CEP57L1: variants seen among roughly 807,000 people sequenced by gnomAD.
The protein encoded by CEP57L1 is centrosomal protein 57 like 1, also known as centrosomal protein CEP57L1.
A neutral mutation model predicts 61.0 loss-of-function variants in CEP57L1; 37 were observed. That is an observed-to-expected ratio of 0.61 (90% CI 0.47 to 0.80). The LOEUF (loss-of-function observed/expected upper bound fraction) is 0.80, where lower values mean the gene tolerates loss of function less well. CEP57L1 is among the 30% of genes least tolerant of loss of function. The pLI is 0.00. For synonymous variants in CEP57L1, 137 were observed against 162.3 expected, an observed-to-expected ratio of 0.84 and a Z score of 1.19; for missense variants, 422 against 524.7, an observed-to-expected ratio of 0.80 and a Z score of 1.91.
In CEP57L1 at chr6:109,146,948, CAGT is replaced by C; in HGVS notation, c.340+15_340+17del. On this transcript the variant is annotated intron_variant, in intron 3 of 10. Coordinates refer to ENST00000517392, the MANE Select transcript of CEP57L1 (RefSeq NM_001271852.3). The stretch of plus-strand genomic sequence containing the variant: ...TAAAGCAGAAAAAAGGTAAGAAATG[CAGT>C]AGTTCTCAGAAACCGGGGGTTACTG... 2 of 1,592,470 alleles carry C rather than the reference CAGT, an allele frequency of 1.3e-6. No individual in the cohort carries two copies. Among genetic ancestry groups the C allele is most frequent in the South Asian group, 2.3e-5 (2 of 86,936 alleles).
intron 1 of CEP57L1, chr6:109,130,641 C>A (rs1583500401): frequency 2.1e-5 from 3 of 144,440 alleles, no homozygotes; most frequent in African/African-American, 5.2e-5. Flanking sequence ...TTAAAGAAAA[C>A]AACCCCCTCT....
chr6:109,153,996 T>C, intron 5 of CEP57L1, 47 bp downstream of exon 5: 1 of 964,608 alleles, frequency 1.0e-6, no homozygotes, highest in Non-Finnish European at 1.6e-6. Context: ...TCTTTAGTGT[T>C]AAGCATAATT....
chr6:109,123,458 GCC>G (rs1427599696), intron 1 of CEP57L1, among the ~76,000 whole-genome samples: 10 of 152,242 alleles, frequency 6.6e-5, no homozygotes, highest in African/African-American at 2.2e-4. Context: ...TCATAGTGTT[GCC>G]TTCATGATTC....
intron 1 of CEP57L1, 27 bp downstream of exon 1, chr6:109,095,602 C>T (rs1781593856): frequency 8.1e-6 from 8 of 983,802 alleles, no homozygotes; most frequent in Non-Finnish European, 8.5e-6. Context: ...GGGTTGTCAC[C>T]TTTCCTTGAC....
chr6:109,151,412 G>T lies in CEP57L1; in HGVS notation c.462+1173G>T, dbSNP rs138623624. 1.4e-3 allele frequency among the ~76,000 whole-genome samples: 220 copies of T among 152,246 alleles called. 4 individuals carry two copies. The East Asian group carries it at 0.039, about 27-fold the overall frequency. On this transcript the variant is annotated intron_variant, in intron 4 of 10. Transcript: ENST00000517392. ...GTGTATTCTTAACTAACCACAGTCTGCCATAAATCTGTATTAAAATATTTC... is the reference window on the plus strand; with the variant it reads ...GTGTATTCTTAACTAACCACAGTCTTCCATAAATCTGTATTAAAATATTTC...
At chr6:109,122,889 A>T (rs1016062575) in intron 1 of CEP57L1, among the ~76,000 whole-genome samples, 16 of 152,182 alleles carry the variant, frequency 1.1e-4, no homozygotes, top group African/African-American at 3.9e-4. Flanking sequence ...CTTATTGTAG[A>T]CACACTTCTA....
chr6:109,137,790 C>T (rs1770910982), intron 1 of CEP57L1, among the ~76,000 whole-genome samples: 1 of 152,156 alleles, frequency 6.6e-6, no homozygotes, highest in African/African-American at 2.4e-5. Flanking sequence ...ATGGATCTTA[C>T]ATTCTAGTTA....
intron 1 of CEP57L1, among the ~76,000 whole-genome samples, chr6:109,097,531 C>G (rs756569283): frequency 6.6e-6 from 1 of 152,162 alleles, no homozygotes; most frequent in African/African-American, 2.4e-5. Context: ...TTCCATTTCA[C>G]CCACGCGTTT....
chr6:109,145,647 C>G (rs1771884745), intron 2 of CEP57L1, among the ~76,000 whole-genome samples: 1 of 151,800 alleles, frequency 6.6e-6, no homozygotes, highest in Admixed American at 6.6e-5. Context: ...GGAAAATACT[C>G]TTTGAAGAAT....
At chr6:109,126,319 T>G (rs2114730214) in intron 1 of CEP57L1, among the ~76,000 whole-genome samples, 1 of 152,350 alleles carries the variant, frequency 6.6e-6, no homozygotes, top group South Asian at 2.1e-4. Flanking sequence ...AGCTGCTTTC[T>G]ACCTCTTTGG....
rs75804779 is a variant in CEP57L1, at chr6:109,165,414, CAA to C, written c.*2459_*2460del. Among the ~76,000 whole-genome samples the C allele has an allele frequency of 0.011, 1,178 of 108,562 alleles. 16 individuals carry two copies. The highest frequency in any genetic ancestry group is 0.037 in the African/African-American group (1,068 of 29,240). 71.2% of individuals were successfully genotyped at this position (108,562 alleles called of 152,430 possible). ...ATAAATATTTTTTGAATCTGAGTGG[CAA>C]AAAAAAAAAAAAAATGTAGAACACA... is the stretch of plus-strand genomic sequence containing the variant. On this transcript the variant is annotated 3_prime_UTR_variant, in exon 11 of 11. Transcript: ENST00000517392.
At chr6:109,129,668 C>G (rs1206116386) in intron 1 of CEP57L1, among the ~76,000 whole-genome samples, 9 of 152,194 alleles carry the variant, frequency 5.9e-5, no homozygotes, top group Admixed American at 5.2e-4. Flanking sequence ...TTTAAAAAGT[C>G]ACATTTCTTA....
At chr6:109,158,535 A>G (rs999766298) in intron 7 of CEP57L1, 2 of 418,004 alleles carry the variant, frequency 4.8e-6, no homozygotes, top group Admixed American at 3.1e-5. Context: ...TAGCTATTAC[A>G]AATAAAGCTG....
At chr6:109,132,513 G>A (rs773518929) in intron 1 of CEP57L1, among the ~76,000 whole-genome samples, 50 of 151,932 alleles carry the variant, frequency 3.3e-4, no homozygotes, top group Admixed American at 2.1e-3. Flanking sequence ...TATCCATTTC[G>A]GCTGTTTCTA....
rs1030172222 is a variant in CEP57L1 at position 109,166,741 on chromosome 6, A to C, written c.*3771A>C. Among the ~76,000 whole-genome samples the C allele has an allele frequency of 3.3e-5, 5 of 152,164 alleles. No homozygotes were observed. Among genetic ancestry groups the C allele is most frequent in the African/African-American group, 1.2e-4 (5 of 41,432 alleles). On this transcript the variant is annotated 3_prime_UTR_variant, in exon 11 of 11. Coordinates refer to ENST00000517392, the MANE Select transcript of CEP57L1 (RefSeq NM_001271852.3). ...AAAATTAAATAAAAATTTTACTTGTAATGTGAGAAATCAATCTAAGGGGGG... is the reference window on the plus strand; with the variant it reads ...AAAATTAAATAAAAATTTTACTTGTCATGTGAGAAATCAATCTAAGGGGGG...
At chr6:109,115,765 A>C (rs1477815508) in intron 1 of CEP57L1, among the ~76,000 whole-genome samples, 1 of 152,174 alleles carries the variant, frequency 6.6e-6, no homozygotes, top group Non-Finnish European at 1.5e-5. Flanking sequence ...TAGCCAAGTC[A>C]CCCAATCTTT....
At chr6:109,095,193 C>G, upstream of CEP57L1, 1 of 985,526 alleles carries the variant, frequency 1.0e-6, no homozygotes. Context: ...AGCTTGCGCC[C>G]TGAGGCGGTT....
At chr6:109,101,826 A>G (rs1583345775) in intron 1 of CEP57L1, among the ~76,000 whole-genome samples, 1 of 151,656 alleles carries the variant, frequency 6.6e-6, no homozygotes, top group Non-Finnish European at 1.5e-5. Flanking sequence ...TCACCGTGTT[A>G]GCCAAGATGG....
intron 1 of CEP57L1, among the ~76,000 whole-genome samples, chr6:109,120,164 G>A (rs977299164): frequency 1.3e-5 from 2 of 152,096 alleles, no homozygotes; most frequent in Admixed American, 6.6e-5. Context: ...GAAACCTACT[G>A]CAGATCACAC....
Sources: allele counts gnomAD v4.1 joint callset (sites outside exome capture counted in the v4.1 genomes callset), GRCh38; gene constraint gnomAD v4.1.1; transcripts MANE v1.5; gene names NCBI Gene and HGNC (gene_info 2026-07-23, HGNC 2026-07-21).